RPS6KC1: variants seen among roughly 807,000 people sequenced by gnomAD.
The protein encoded by RPS6KC1 is ribosomal protein S6 kinase C1, also known as inactive ribosomal protein S6 kinase delta-1.
RPS6KC1 carries 54 observed loss-of-function variants against 103.8 expected under a neutral mutation model. The observed-to-expected ratio is 0.52, with a 90% CI of 0.42 to 0.65. The LOEUF is 0.65. Ranked by LOEUF, RPS6KC1 falls within the 30% of genes least tolerant of loss-of-function variation. The pLI, the probability that RPS6KC1 is intolerant of heterozygous loss-of-function variation, is 0.00. For missense variants in RPS6KC1, 1,151 were observed against 1,253.8 expected, an observed-to-expected ratio of 0.92 and a Z score of 1.24; for synonymous variants, 439 against 438.7, an observed-to-expected ratio of 1.00 and a Z score of -0.01.
the RPS6KC1 span, among the ~76,000 whole-genome samples, chr1:213,833,472 C>G: frequency 6.6e-6 from 1 of 152,138 alleles, no homozygotes; most frequent in African/African-American, 2.4e-5. Context: ...TCTGAAAGAC[C>G]TCACCCATGG....
At chr1:213,433,584 G>A in the RPS6KC1 span, among the ~76,000 whole-genome samples, 2 of 152,108 alleles carry the variant, frequency 1.3e-5, no homozygotes, top group Admixed American at 6.5e-5. Flanking sequence ...AACATTTTAC[G>A]TTGCCATTAT....
the RPS6KC1 span, among the ~76,000 whole-genome samples, chr1:213,474,392 T>C: frequency 2.0e-5 from 3 of 151,638 alleles, no homozygotes; most frequent in East Asian, 5.8e-4. Flanking sequence ...ATTATAGGAG[T>C]GGAGAGAGGG....
At chr1:213,066,396 CCTGT>C (rs2078335291) in intron 1 of RPS6KC1, among the ~76,000 whole-genome samples, 1 of 152,172 alleles carries the variant, frequency 6.6e-6, no homozygotes, top group Admixed American at 6.5e-5. Context: ...TTTTCCAAAC[CCTGT>C]CTAAATTTCC....
At chr1:213,062,804 C>T (rs371875461) in intron 1 of RPS6KC1, among the ~76,000 whole-genome samples, 8 of 152,084 alleles carry the variant, frequency 5.3e-5, no homozygotes, top group South Asian at 2.1e-4. Context: ...CCGCCAGCCT[C>T]GGCCTCCCAA....
the RPS6KC1 span, among the ~76,000 whole-genome samples, chr1:213,344,168 G>A: frequency 7.2e-5 from 11 of 152,072 alleles, no homozygotes; most frequent in Non-Finnish European, 1.2e-4. Context: ...AATTGCTAGA[G>A]AGCATCAGGA....
chr1:213,361,738 G>C, the RPS6KC1 span, among the ~76,000 whole-genome samples: 2 of 152,230 alleles, frequency 1.3e-5, no homozygotes, highest in African/African-American at 4.8e-5. Flanking sequence ...AGATGCCCCA[G>C]TTTACAAAGA....
the RPS6KC1 span, among the ~76,000 whole-genome samples, chr1:213,633,521 C>A: frequency 2.0e-5 from 3 of 152,074 alleles, no homozygotes; most frequent in African/African-American, 7.3e-5. Flanking sequence ...CACCACCAGG[C>A]CTGCCTTACA....
chr1:213,103,204 T>A (rs1157836612), intron 3 of RPS6KC1, among the ~76,000 whole-genome samples: 2 of 151,982 alleles, frequency 1.3e-5, no homozygotes, highest in African/African-American at 4.8e-5. Flanking sequence ...AAAAAAAGAT[T>A]ATCTGTGATA....
intron 3 of RPS6KC1, among the ~76,000 whole-genome samples, chr1:213,090,967 G>A (rs114435723): frequency 1.7e-3 from 259 of 152,248 alleles, no homozygotes; most frequent in African/African-American, 5.9e-3. Context: ...TCTTATAGCT[G>A]TTTCTGTATT....
the RPS6KC1 span, among the ~76,000 whole-genome samples, chr1:213,437,749 TG>T: frequency 6.6e-6 from 1 of 151,174 alleles, no homozygotes; most frequent in Non-Finnish European, 1.5e-5. Flanking sequence ...TTCTGCCTTT[TG>T]TTTTTTTTTG....
intron 3 of RPS6KC1, among the ~76,000 whole-genome samples, chr1:213,101,050 T>C (rs2081979839): frequency 6.6e-6 from 1 of 152,174 alleles, no homozygotes; most frequent in Non-Finnish European, 1.5e-5. Context: ...CCACCAACAG[T>C]TTATAAGCAT....
At chr1:213,117,538 TTTTC>T (rs2083805302) in intron 5 of RPS6KC1, 128 bp downstream of exon 5, 1 of 534,088 alleles carries the variant, frequency 1.9e-6, no homozygotes, top group African/African-American at 2.0e-5. Context: ...AAGATGCTTT[TTTTC>T]TTTACATTTT....
chr1:213,669,213 C>T, the RPS6KC1 span, among the ~76,000 whole-genome samples: 1 of 152,194 alleles, frequency 6.6e-6, no homozygotes, highest in Admixed American at 6.5e-5. Context: ...TAAGCTTAAT[C>T]GTTCTATCTT....
chr1:213,635,060 AAACT>A, the RPS6KC1 span, among the ~76,000 whole-genome samples: 1 of 152,198 alleles, frequency 6.6e-6, no homozygotes, highest in Non-Finnish European at 1.5e-5. Context: ...CACCCTCCCA[AAACT>A]AACCCAGGAA....
At chr1:213,486,971 C>T in the RPS6KC1 span, among the ~76,000 whole-genome samples, 420 of 152,296 alleles carry the variant, frequency 2.8e-3, 3 homozygotes, top group African/African-American at 9.8e-3. Context: ...AGTGGTCATC[C>T]CTGCCTTCTA....
chr1:213,802,524 C>T, the RPS6KC1 span, among the ~76,000 whole-genome samples: 5 of 152,220 alleles, frequency 3.3e-5, no homozygotes, highest in African/African-American at 9.6e-5. Flanking sequence ...AATGTGAACA[C>T]TCACCTTTCT....
chr1:213,075,954 C>G (rs1269093535), intron 2 of RPS6KC1, among the ~76,000 whole-genome samples: 1 of 152,156 alleles, frequency 6.6e-6, no homozygotes, highest in Non-Finnish European at 1.5e-5. Flanking sequence ...GGTACTACAT[C>G]TACAGCACTC....
intron 6 of RPS6KC1, among the ~76,000 whole-genome samples, chr1:213,165,729 A>G (rs541643460): frequency 4.6e-5 from 7 of 151,838 alleles, no homozygotes; most frequent in African/African-American, 1.7e-4. Flanking sequence ...GGCCAGTTTT[A>G]TGTTTTTAGT....
the RPS6KC1 span, among the ~76,000 whole-genome samples, chr1:213,317,412 G>A: frequency 6.6e-6 from 1 of 152,152 alleles, no homozygotes; most frequent in Non-Finnish European, 1.5e-5. Flanking sequence ...GTAGATGGCT[G>A]CCTTTTCACT....
Sources: allele counts gnomAD v4.1 joint callset (sites outside exome capture counted in the v4.1 genomes callset), GRCh38; gene constraint gnomAD v4.1.1; transcripts MANE v1.5; gene names NCBI Gene and HGNC (gene_info 2026-07-23, HGNC 2026-07-21).